ARL15: variants seen among roughly 807,000 people sequenced by gnomAD.
ARL15 encodes the protein ARF like GTPase 15, also known as ADP-ribosylation factor-like protein 15.
A neutral mutation model predicts 25.2 loss-of-function variants in ARL15; 19 were observed. The ratio of observed to expected loss-of-function variants is 0.75; its 90% CI spans 0.53 to 1.10. The LOEUF (loss-of-function observed/expected upper bound fraction) is 1.10, where lower values mean the gene tolerates loss of function less well. ARL15 is among the 50% of genes least tolerant of loss of function. The pLI is 0.00. For synonymous variants in ARL15, 94 were observed against 86.8 expected (o/e 1.08, Z -0.46); for missense variants, 220 against 246.0 (o/e 0.89, Z 0.71).
At chr5:54,008,918 T>A (rs931847260) in intron 4 of ARL15, among the ~76,000 whole-genome samples, 1 of 152,214 alleles carries the variant, frequency 6.6e-6, no homozygotes, top group African/African-American at 2.4e-5. Flanking sequence ...TGTGGCTGAT[T>A]GGAGGTCCAA....
chr5:54,224,415 A>G (rs1756463233), intron 1 of ARL15, among the ~76,000 whole-genome samples: 1 of 152,244 alleles, frequency 6.6e-6, no homozygotes, highest in African/African-American at 2.4e-5. Flanking sequence ...ATACGAGGCC[A>G]GCAGGACAGA....
intron 4 of ARL15, among the ~76,000 whole-genome samples, chr5:54,019,905 A>T (rs952037464): frequency 1.3e-5 from 2 of 152,242 alleles, no homozygotes; most frequent in Admixed American, 1.3e-4. Context: ...AAACTCTTTC[A>T]TCTACAGCAC....
At chr5:54,305,933 T>C (rs1164919120) in intron 1 of ARL15, among the ~76,000 whole-genome samples, 1 of 152,220 alleles carries the variant, frequency 6.6e-6, no homozygotes, top group Non-Finnish European at 1.5e-5. Context: ...ACTTGTCACA[T>C]TTTCAAGTCT....
intron 4 of ARL15, among the ~76,000 whole-genome samples, chr5:53,942,324 G>A (rs958959048): frequency 6.6e-6 from 1 of 152,110 alleles, no homozygotes; most frequent in Non-Finnish European, 1.5e-5. Flanking sequence ...AATGTAAGAT[G>A]GCATCAGACA....
intron 1 of ARL15, among the ~76,000 whole-genome samples, chr5:54,185,535 C>A (rs986320621): frequency 1.3e-5 from 2 of 152,152 alleles, no homozygotes; most frequent in African/African-American, 4.8e-5. Flanking sequence ...GAGTGTCTGA[C>A]CAAGCCACAT....
intron 4 of ARL15, among the ~76,000 whole-genome samples, chr5:53,935,383 C>G (rs1746321603): frequency 6.6e-6 from 1 of 152,152 alleles, no homozygotes; most frequent in Admixed American, 6.5e-5. Context: ...AGAAAATAAA[C>G]AGAATACTAT....
At chr5:54,055,057 TAC>T (rs1329439931) in intron 4 of ARL15, among the ~76,000 whole-genome samples, 1 of 152,198 alleles carries the variant, frequency 6.6e-6, no homozygotes, top group East Asian at 1.9e-4. Flanking sequence ...TTTTAGTACA[TAC>T]AGAGTTTTGC....
At chr5:54,236,707 T>C (rs1346242876) in intron 1 of ARL15, among the ~76,000 whole-genome samples, 1 of 152,244 alleles carries the variant, frequency 6.6e-6, no homozygotes, top group Non-Finnish European at 1.5e-5. Context: ...TATTGCCCAG[T>C]GCATACATTC....
chr5:53,972,991 C>G (rs1580130956), intron 4 of ARL15, among the ~76,000 whole-genome samples: 1 of 152,098 alleles, frequency 6.6e-6, no homozygotes, highest in Admixed American at 6.6e-5. Flanking sequence ...ACTTTTTACT[C>G]TATCATATCC....
chr5:54,021,813 C>G (rs1222439433), intron 4 of ARL15, among the ~76,000 whole-genome samples: 2 of 152,076 alleles, frequency 1.3e-5, no homozygotes, highest in South Asian at 4.1e-4. Context: ...ATTTGAAAAA[C>G]CCATGGAAAT....
At chr5:54,039,922 A>C (rs183386619) in intron 4 of ARL15, among the ~76,000 whole-genome samples, 6 of 152,266 alleles carry the variant, frequency 3.9e-5, no homozygotes, top group Non-Finnish European at 2.9e-5. Context: ...CCACTGGAGA[A>C]GAAGCCACAA....
chr5:54,262,756 T>C (rs1757525865), intron 1 of ARL15, among the ~76,000 whole-genome samples: 2 of 152,242 alleles, frequency 1.3e-5, no homozygotes. Flanking sequence ...TTAAAAGTTT[T>C]ATTTAATTTC....
intron 1 of ARL15, among the ~76,000 whole-genome samples, chr5:54,275,983 A>G (rs1757919366): frequency 1.3e-5 from 2 of 151,582 alleles, no homozygotes; most frequent in Admixed American, 6.6e-5. Context: ...TATGTTGCCC[A>G]GGCTGGACTT....
At chr5:53,990,777 C>T (rs1028293167) in intron 4 of ARL15, among the ~76,000 whole-genome samples, 3 of 152,212 alleles carry the variant, frequency 2.0e-5, no homozygotes, top group African/African-American at 7.2e-5. Context: ...ACAGGGAACC[C>T]TCTTATGAAT....
chr5:54,163,726 C>T (rs1418253853), intron 2 of ARL15, among the ~76,000 whole-genome samples: 4 of 151,854 alleles, frequency 2.6e-5, no homozygotes, highest in Admixed American at 6.6e-5. Context: ...TAACCTCTTA[C>T]TATTTATAGA....
At chr5:54,166,886 T>C (rs1754589333) in intron 2 of ARL15, among the ~76,000 whole-genome samples, 1 of 152,164 alleles carries the variant, frequency 6.6e-6, no homozygotes, top group South Asian at 2.1e-4. Flanking sequence ...CTGGCAGACA[T>C]TGTGAATTTT....
chr5:54,268,362 A>G (rs1267017061), intron 1 of ARL15, among the ~76,000 whole-genome samples: 1 of 152,110 alleles, frequency 6.6e-6, no homozygotes, highest in African/African-American at 2.4e-5. Flanking sequence ...CTAATTATAC[A>G]TTCGTCTAAA....
At chr5:54,154,697 T>G in intron 2 of ARL15, 58 bp from the exon 3 acceptor site, 1 of 1,046,706 alleles carries the variant, frequency 9.6e-7, no homozygotes, top group Non-Finnish European at 1.4e-6. Context: ...ATTAAAACAC[T>G]TAGGATGCTC....
At chr5:54,140,888 T>G (rs1753758260) in intron 3 of ARL15, among the ~76,000 whole-genome samples, 1 of 152,170 alleles carries the variant, frequency 6.6e-6, no homozygotes, top group African/African-American at 2.4e-5. Context: ...GGAATTATGC[T>G]AATATATTTT....
Sources: gnomAD v4.1 joint callset for allele counts (sites outside exome capture counted in the v4.1 genomes callset) on GRCh38, gnomAD v4.1.1 for gene constraint, MANE v1.5 for transcripts, NCBI Gene and HGNC (gene_info 2026-07-23, HGNC 2026-07-21) for gene names.